The following FIGN variants were observed in gnomAD, a reference collection of about 807,000 sequenced individuals.
FIGN encodes fidgetin.
A neutral mutation model predicts 51.3 loss-of-function variants in FIGN; 11 were observed. The observed-to-expected ratio is 0.21, with a 90% confidence interval of 0.13 to 0.35. The LOEUF is 0.35. FIGN is among the 10% of genes least tolerant of loss of function. The probability of loss-of-function intolerance (pLI) is 1.00; values close to 1 mark genes in which losing one functional copy is unlikely to be tolerated. For synonymous variants in FIGN, 407 were observed against 363.2 expected (o/e 1.12, Z -1.37); for missense variants, 857 against 943.6 (o/e 0.91, Z 1.20).
At chr2:163,685,394 C>T (rs867502438) in intron 2 of FIGN, among the ~76,000 whole-genome samples, 2 of 152,280 alleles carry the variant, frequency 1.3e-5, no homozygotes, top group East Asian at 3.9e-4. Flanking sequence ...TTAATAATCT[C>T]TCAGACAGAA....
At chr2:163,695,015 C>A (rs922991128) in intron 2 of FIGN, among the ~76,000 whole-genome samples, 5 of 152,052 alleles carry the variant, frequency 3.3e-5, no homozygotes, top group Non-Finnish European at 5.9e-5. Flanking sequence ...CACTTTCCGC[C>A]CCCCTCCTTT....
chr2:163,603,706 A>C lies in FIGN; in HGVS notation c.*5846T>G, dbSNP rs184328958. On this transcript the variant is annotated 3_prime_UTR_variant, in exon 3 of 3. Coordinates refer to ENST00000333129, the MANE Select transcript of FIGN (RefSeq NM_018086.4). Reference sequence around the variant, plus strand: ...ATCTGTGGGAGTTGTGGATTGTCACAGTTCATTTGCTTTTGTAAAATATCC... The same window carrying C: ...ATCTGTGGGAGTTGTGGATTGTCACCGTTCATTTGCTTTTGTAAAATATCC... 6.6e-6 allele frequency: 1 copy of C among 152,252 alleles called. No individual in the cohort carries two copies. The highest frequency in any genetic ancestry group is 1.9e-4 in the East Asian group (1 of 5,172). 9.4% of individuals were successfully genotyped at this position (152,252 alleles called of 1,614,324 possible).
At chr2:163,620,690 C>G (rs1226907757) in intron 2 of FIGN, among the ~76,000 whole-genome samples, 1 of 152,018 alleles carries the variant, frequency 6.6e-6, no homozygotes, top group African/African-American at 2.4e-5. Flanking sequence ...AGTTGATTCT[C>G]AAAATACTGT....
At chr2:163,636,258 A>G (rs1683223255) in intron 2 of FIGN, among the ~76,000 whole-genome samples, 1 of 152,146 alleles carries the variant, frequency 6.6e-6, no homozygotes, top group Non-Finnish European at 1.5e-5. Flanking sequence ...TTAAAACTGC[A>G]TACCCCTTGT....
chr2:163,625,248 A>T (rs1487667682), intron 2 of FIGN, among the ~76,000 whole-genome samples: 1 of 152,046 alleles, frequency 6.6e-6, no homozygotes, highest in Non-Finnish European at 1.5e-5. Context: ...TCCCAGATAT[A>T]AATATATTCT....
intron 2 of FIGN, among the ~76,000 whole-genome samples, chr2:163,697,686 G>A (rs183885000): frequency 1.3e-5 from 2 of 152,244 alleles, no homozygotes; most frequent in Non-Finnish European, 2.9e-5. Context: ...TGGGTCTAGA[G>A]GGTAGTTCCA....
Position 163,660,681 on chromosome 2 carries a change from ATATACACATATACATATATATG to A in FIGN, c.26-48897_26-48876del, listed in dbSNP as rs1559012158. ...TATATATACATATACATATATATAT[ATATACACATATACATATATATG>A]TATACACATATACATATATATGTAT... On this transcript the variant is annotated intron_variant, in intron 2 of 2. Coordinates refer to ENST00000333129, the MANE Select transcript of FIGN (RefSeq NM_018086.4). Among the ~76,000 whole-genome samples, 111 of 122,906 alleles carry A rather than the reference ATATACACATATACATATATATG, an allele frequency of 9.0e-4. 2 individuals carry two copies. Among genetic ancestry groups the A allele is most frequent in the African/African-American group, 1.7e-3 (53 of 30,468 alleles). 80.6% of individuals were successfully genotyped at this position (122,906 alleles called of 152,430 possible). A position where few individuals can be genotyped will look rare whatever the true frequency, so the allele number is the denominator to read the frequency against.
Position 163,605,239 on chromosome 2 carries a change from G to A in FIGN, c.*4313C>T, listed in dbSNP as rs1379496101. ...GAGGAGAGACTTGTTCATTAAAGAT[G>A]CAGTATCCCTGGTTCACACAAATGC... On this transcript the variant is annotated 3_prime_UTR_variant, in exon 3 of 3. Coordinates refer to ENST00000333129, the MANE Select transcript of FIGN (RefSeq NM_018086.4). The A allele has an allele frequency of 6.6e-6, 1 of 151,992 alleles. No individual in the cohort carries two copies. The highest frequency in any genetic ancestry group is 1.5e-5 in the Non-Finnish European group (1 of 67,968). 9.4% of individuals were successfully genotyped at this position (151,992 alleles called of 1,614,324 possible). A position where few individuals can be genotyped will look rare whatever the true frequency, so the allele number is the denominator to read the frequency against.
At chr2:163,687,012 T>TACACAC (rs547589971) in intron 2 of FIGN, among the ~76,000 whole-genome samples, 1 of 147,768 alleles carries the variant, frequency 6.8e-6, no homozygotes, top group South Asian at 2.1e-4. Context: ...TGAGATTGTG[T>TACACAC]ACACACACAC....
At chr2:163,684,442 C>G (rs1212714180) in intron 2 of FIGN, among the ~76,000 whole-genome samples, 3 of 152,154 alleles carry the variant, frequency 2.0e-5, no homozygotes, top group African/African-American at 4.8e-5. Flanking sequence ...AACAGATAGT[C>G]TAATTTTGTA....
intron 2 of FIGN, among the ~76,000 whole-genome samples, chr2:163,642,679 T>C (rs1000505332): frequency 1.3e-5 from 2 of 152,234 alleles, no homozygotes; most frequent in East Asian, 3.9e-4. Flanking sequence ...AGATAATTCA[T>C]GTTTGTATCA....
intron 2 of FIGN, among the ~76,000 whole-genome samples, chr2:163,664,006 C>T (rs1163335357): frequency 1.3e-5 from 2 of 152,090 alleles, no homozygotes; most frequent in African/African-American, 4.8e-5. Context: ...CCCAGTACTA[C>T]TATTGATTAG....
intron 2 of FIGN, among the ~76,000 whole-genome samples, chr2:163,634,189 G>A (rs1427456965): frequency 6.6e-6 from 1 of 151,236 alleles, no homozygotes; most frequent in Non-Finnish European, 1.5e-5. Context: ...CCAGCATATT[G>A]TATTAAAATA....
intron 2 of FIGN, among the ~76,000 whole-genome samples, chr2:163,733,417 G>T (rs1455178697): frequency 6.6e-6 from 1 of 152,074 alleles, no homozygotes; most frequent in African/African-American, 2.4e-5. Flanking sequence ...CACATTGTCC[G>T]AGCTCCGATT....
Position 163,608,716 on chromosome 2 carries a change from T to G in FIGN, c.*836A>C, listed in dbSNP as rs1288842198. 2.0e-5 allele frequency: 3 copies of G among 152,564 alleles called. No homozygotes were observed. Among genetic ancestry groups the G allele is most frequent in the Non-Finnish European group, 4.4e-5 (3 of 68,028 alleles). The allele number at this position is 152,564 out of a possible 1,614,324, so 9.5% of individuals were successfully genotyped here. A position where few individuals can be genotyped will look rare whatever the true frequency, so the allele number is the denominator to read the frequency against. On this transcript the variant is annotated 3_prime_UTR_variant, in exon 3 of 3. Coordinates refer to ENST00000333129, the MANE Select transcript of FIGN (RefSeq NM_018086.4). Reference sequence around the variant, plus strand: ...AAAAGAACTTAAAAAAATCCTTCCATTTCTACTTTAAACTGTAAATATTCA... The same window carrying G: ...AAAAGAACTTAAAAAAATCCTTCCAGTTCTACTTTAAACTGTAAATATTCA...
At chr2:163,712,230 A>C (rs1340549903) in intron 2 of FIGN, among the ~76,000 whole-genome samples, 1 of 152,226 alleles carries the variant, frequency 6.6e-6, no homozygotes, top group Admixed American at 6.5e-5. Context: ...TGTAAGATTT[A>C]CAATCCAATG....
chr2:163,701,305 C>T (rs1371071293), intron 2 of FIGN, among the ~76,000 whole-genome samples: 1 of 152,144 alleles, frequency 6.6e-6, no homozygotes, highest in Non-Finnish European at 1.5e-5. Context: ...AAAGGTATTT[C>T]ATAAATTGCA....
chr2:163,642,513 T>A (rs1489512443), intron 2 of FIGN, among the ~76,000 whole-genome samples: 2 of 152,144 alleles, frequency 1.3e-5, no homozygotes, highest in African/African-American at 4.8e-5. Flanking sequence ...ATTACAGAAA[T>A]GGGAAAGTGG....
chr2:163,669,730 A>G (rs1426838206), intron 2 of FIGN, among the ~76,000 whole-genome samples: 2 of 152,238 alleles, frequency 1.3e-5, no homozygotes, highest in Non-Finnish European at 2.9e-5. Flanking sequence ...AGAGTTCACA[A>G]GTCATAATCT....
Sources: allele counts gnomAD v4.1 joint callset (sites outside exome capture counted in the v4.1 genomes callset), GRCh38; gene constraint gnomAD v4.1.1; transcripts MANE v1.5; gene names NCBI Gene and HGNC (gene_info 2026-07-23, HGNC 2026-07-21).